TRPM7: variants seen among roughly 807,000 people sequenced by gnomAD.
TRPM7 encodes LTRPC ion channel family member 7.
TRPM7 carries 134 observed loss-of-function variants against 229.7 expected under a neutral mutation model. The ratio of observed to expected loss-of-function variants is 0.58; its 90% confidence interval spans 0.51 to 0.67. TRPM7 has a LOEUF of 0.67. TRPM7 is among the 30% of genes least tolerant of loss of function. TRPM7 has a pLI of 0.00. For synonymous variants in TRPM7, 699 were observed against 715.2 expected (o/e 0.98, Z 0.36); for missense variants, 1,901 against 2,210.0 (o/e 0.86, Z 2.80).
In TRPM7 at chr15:50,583,122, A is replaced by T. The variant is rs2054503499; in HGVS notation, c.4524T>A (p.Thr1508=). ...KISRRPSTED[T]HEVDSKAALI... ...AAGCTGCTTTGGAATCTACTTCATGAGTGTCTTCGGTAGATGGCCTTCTAC... is the reference window on the plus strand; with the variant it reads ...AAGCTGCTTTGGAATCTACTTCATGTGTGTCTTCGGTAGATGGCCTTCTAC... Residue 1508 remains threonine (T), a synonymous_variant, in exon 29 of 39, where the codon ACT becomes ACA. Coordinates refer to ENST00000646667, the MANE Select transcript of TRPM7 (RefSeq NM_017672.6). 8 of 1,608,684 alleles carry T rather than the reference A, an allele frequency of 5.0e-6. No homozygotes were observed. The highest frequency in any genetic ancestry group is 6.8e-6 in the Non-Finnish European group (8 of 1,178,114).
intron 13 of TRPM7, among the ~76,000 whole-genome samples, chr15:50,616,833 AC>A (rs1275432199): frequency 6.6e-6 from 1 of 152,112 alleles, no homozygotes; most frequent in Non-Finnish European, 1.5e-5. Context: ...GGCACATGCC[AC>A]CACACCTGGC....
At chr15:50,573,949 C>G (rs1044468620) in intron 36 of TRPM7, among the ~76,000 whole-genome samples, 7 of 150,644 alleles carry the variant, frequency 4.6e-5, no homozygotes, top group African/African-American at 1.5e-4. Context: ...CCCAACTACT[C>G]GGGAGGCTGA....
chr15:50,584,014 G>C (rs1187293478), intron 28 of TRPM7, among the ~76,000 whole-genome samples: 5 of 152,156 alleles, frequency 3.3e-5, no homozygotes, highest in Non-Finnish European at 5.9e-5. Context: ...CTCTTCCTAT[G>C]ATAAACAGTG....
chr15:50,576,003 T>A (rs1415543070), intron 31 of TRPM7, 84 bp from the exon 32 acceptor site: 7 of 1,394,068 alleles, frequency 5.0e-6, no homozygotes, highest in Non-Finnish European at 6.9e-6. Context: ...CATAAAATCA[T>A]TTTGAATTTC....
intron 21 of TRPM7, among the ~76,000 whole-genome samples, chr15:50,601,008 G>A (rs942554929): frequency 6.6e-6 from 1 of 152,162 alleles, no homozygotes; most frequent in African/African-American, 2.4e-5. Flanking sequence ...GAGAATGCAT[G>A]CTTTCAAATA....
intron 19 of TRPM7, among the ~76,000 whole-genome samples, chr15:50,608,052 CAAAAAA>C (rs570861548): frequency 1.0e-4 from 8 of 76,274 alleles, no homozygotes; most frequent in African/African-American, 3.6e-4. Flanking sequence ...GAGACTCTGT[CAAAAAA>C]AAAAAAAAAA....
intron 21 of TRPM7, among the ~76,000 whole-genome samples, chr15:50,600,021 T>C (rs1187291623): frequency 6.6e-6 from 1 of 152,222 alleles, no homozygotes; most frequent in Non-Finnish European, 1.5e-5. Flanking sequence ...TTTGACATAA[T>C]TATTTAAGGA....
At position 50,570,074 on chromosome 15, in the gene TRPM7, T is replaced by C. The variant is rs1285121468; in HGVS notation, c.5360+30A>G. ...GGTACAAATATAAAATGTGAAATTA[T>C]GCCTTAATGAAATAGTTAAAACTTA... On this transcript the variant is annotated intron_variant, in intron 37 of 38. Transcript: ENST00000646667. 3.1e-6 allele frequency: 5 copies of C among 1,598,624 alleles called. No individual in the cohort carries two copies. The South Asian group carries it at 3.4e-5, about 11-fold the overall frequency.
chr15:50,639,463 C>A lies in TRPM7; in HGVS notation c.621G>T (p.Trp207Cys). 1.2e-6 allele frequency: 2 copies of A among 1,610,652 alleles called. No homozygotes were observed. Among genetic ancestry groups the A allele is most frequent in the Non-Finnish European group, 1.7e-6 (2 of 1,177,772 alleles). ...RKICTIGIAP[W>C]GVIENRNDLV... The stretch of plus-strand genomic sequence containing the variant: ...GATCATTTCTGTTTTCAATCACTCC[C>A]CATGGAGCTATTCCGATAGTGCAAA... Residue 207 changes from tryptophan (W) to cysteine (C), a missense_variant, in exon 6 of 39, where the codon TGG becomes TGT. Trp to Cys is a radical substitution (Grantham distance 215). This residue lies in a region of TRPM7 where 794 missense variants were observed against 881.9 expected (regional missense o/e 0.90). Transcript: ENST00000646667.
At chr15:50,685,342 A>G (rs2062333702) in intron 1 of TRPM7, among the ~76,000 whole-genome samples, 2 of 152,320 alleles carry the variant, frequency 1.3e-5, no homozygotes, top group South Asian at 4.1e-4. Context: ...CTACAGTCCC[A>G]GCTACTCGGG....
intron 19 of TRPM7, 94 bp downstream of exon 19, chr15:50,609,487 C>G: frequency 8.1e-7 from 1 of 1,232,930 alleles, no homozygotes; most frequent in Non-Finnish European, 1.1e-6. Context: ...TTTCAGTGAT[C>G]TAAGTTATAT....
At chr15:50,584,420 G>C in intron 28 of TRPM7, among the ~76,000 whole-genome samples, 1 of 152,248 alleles carries the variant, frequency 6.6e-6, no homozygotes, top group Non-Finnish European at 1.5e-5. Context: ...GGAAAAGGGT[G>C]AACAGGTGTG....
chr15:50,593,957 T>C (rs1271078273), intron 24 of TRPM7, among the ~76,000 whole-genome samples: 1 of 152,344 alleles, frequency 6.6e-6, no homozygotes, highest in Admixed American at 6.5e-5. Flanking sequence ...AATCAGGTAC[T>C]TCCTCCTCCT....
intron 38 of TRPM7, among the ~76,000 whole-genome samples, chr15:50,562,907 C>G (rs2053389799): frequency 6.6e-6 from 1 of 151,994 alleles, no homozygotes; most frequent in Non-Finnish European, 1.5e-5. Context: ...GAGTAAATAC[C>G]TTAATATTGA....
Position 50,561,735 on chromosome 15 carries a change from C to T in TRPM7, c.5541G>A (p.Gln1847=), listed in dbSNP as rs2053319283. ...CTGATTCTTTGGTGGAATTTCCAGG[C>T]TGAAGATTCAAATCTGAAGGCTCAT... ...PQDEPSDLNL[Q]PGNSTKESES... The change falls in exon 39 of 39, where the codon CAG becomes CAA. Residue 1847 remains glutamine, a synonymous_variant. Transcript: ENST00000646667. 2 of 1,612,498 alleles carry T rather than the reference C, an allele frequency of 1.2e-6. No homozygotes were observed. The highest frequency in any genetic ancestry group is 1.7e-6 in the Non-Finnish European group (2 of 1,179,552).
chr15:50,677,169 G>A lies in TRPM7; in HGVS notation c.3+9362C>T, dbSNP rs566272903. The stretch of plus-strand genomic sequence containing the variant: ...GGCCAGTGTCTGATGAAGGCTCTCA[G>A]ACAGCTGCCTCCTCACTGTGTCTTC... On this transcript the variant is annotated intron_variant, in intron 1 of 38. Coordinates refer to ENST00000646667, the MANE Select transcript of TRPM7 (RefSeq NM_017672.6). Among the ~76,000 whole-genome samples, 18 of 152,270 alleles carry A rather than the reference G, an allele frequency of 1.2e-4. No individual in the cohort carries two copies. In the South Asian group the frequency reaches 3.1e-3, roughly 26 times the overall value.
At chr15:50,568,743 C>A (rs1015049990) in intron 38 of TRPM7, among the ~76,000 whole-genome samples, 2 of 151,984 alleles carry the variant, frequency 1.3e-5, no homozygotes, top group South Asian at 4.2e-4. Flanking sequence ...GGGAGGCTGA[C>A]GCAGGTGGAT....
intron 11 of TRPM7, among the ~76,000 whole-genome samples, chr15:50,624,727 A>T (rs2060508207): frequency 6.8e-6 from 1 of 146,062 alleles, no homozygotes; most frequent in Admixed American, 6.8e-5. Flanking sequence ...TATGCTGGAG[A>T]ATTCTACTCA....
intron 20 of TRPM7, 144 bp from the exon 21 acceptor site, chr15:50,605,288 T>C (rs966762234): frequency 1.4e-6 from 1 of 739,370 alleles, no homozygotes; most frequent in East Asian, 2.9e-5. Context: ...TCTCGCTCTA[T>C]TGCCCAGGGT....
Sources: allele counts gnomAD v4.1 joint callset (sites outside exome capture counted in the v4.1 genomes callset), GRCh38; gene constraint gnomAD v4.1.1; regional missense constraint gnomAD v4.1.1; transcripts MANE v1.5; gene names NCBI Gene and HGNC (gene_info 2026-07-23, HGNC 2026-07-21).